IL12RB2: variants seen among roughly 807,000 people sequenced by gnomAD.
IL12RB2 encodes the protein interleukin-12 receptor subunit beta-2.
In IL12RB2, 82 loss-of-function variants were observed where a neutral mutation model predicts 89.4. That is an observed-to-expected ratio of 0.92 (90% CI 0.77 to 1.10). IL12RB2 has a LOEUF of 1.10. Ranked by LOEUF, IL12RB2 falls within the 50% of genes least tolerant of loss-of-function variation. The pLI is 0.00. For missense variants in IL12RB2, 963 were observed against 1,031.9 expected, an observed-to-expected ratio of 0.93 and a Z score of 0.92; for synonymous variants, 368 against 370.1, an observed-to-expected ratio of 0.99 and a Z score of 0.07.
chr1:67,368,872 T>C (rs1318167461), intron 11 of IL12RB2, among the ~76,000 whole-genome samples: 1 of 152,210 alleles, frequency 6.6e-6, no homozygotes, highest in African/African-American at 2.4e-5. Flanking sequence ...GTGGAAAATG[T>C]TTTGAACAAT....
intron 2 of IL12RB2, among the ~76,000 whole-genome samples, chr1:67,316,018 G>A (rs1655710498): frequency 1.3e-5 from 2 of 152,180 alleles, no homozygotes; most frequent in Admixed American, 1.3e-4. Context: ...TTTAATGTAA[G>A]TAGTTTTAAT....
Position 67,350,049 on chromosome 1 carries a change from A to C in IL12RB2, c.1039-821A>C, listed in dbSNP as rs17838050. ...CAGCAAACACAGCCGGAGGCCCCCC[A>C]CCCATGGAAGGGACAGCCTTGCCAA... is the stretch of plus-strand genomic sequence containing the variant. On this transcript the variant is annotated intron_variant, in intron 9 of 16. Transcript: ENST00000674203. Among the ~76,000 whole-genome samples the C allele has an allele frequency of 2.6e-3, 402 of 152,296 alleles. 2 individuals are homozygous for C. Among genetic ancestry groups the C allele is most frequent in the African/African-American group, 9.3e-3 (388 of 41,562 alleles).
intron 2 of IL12RB2, among the ~76,000 whole-genome samples, 158 bp from the exon 3 acceptor site, chr1:67,320,175 C>T (rs533404897): frequency 1.4e-4 from 22 of 152,206 alleles, no homozygotes; most frequent in African/African-American, 4.3e-4. Context: ...CTAAGATATT[C>T]GATTTACTAG....
intron 4 of IL12RB2, among the ~76,000 whole-genome samples, chr1:67,324,189 A>C (rs1348037678): frequency 1.3e-5 from 2 of 152,212 alleles, no homozygotes; most frequent in Non-Finnish European, 2.9e-5. Flanking sequence ...ATATATGTAC[A>C]TGGGTACGTA....
At chr1:67,385,790 T>A in intron 14 of IL12RB2, among the ~76,000 whole-genome samples, 1 of 152,220 alleles carries the variant, frequency 6.6e-6, no homozygotes, top group South Asian at 2.1e-4. Flanking sequence ...TTGCTAAAAT[T>A]AATAGCTACT....
At chr1:67,317,349 C>T (rs1347650794) in intron 2 of IL12RB2, among the ~76,000 whole-genome samples, 1 of 152,218 alleles carries the variant, frequency 6.6e-6, no homozygotes. Context: ...TTAACAGTGA[C>T]TCACAAGAAA....
At chr1:67,374,476 CT>C (rs34836285) in intron 13 of IL12RB2, among the ~76,000 whole-genome samples, 2,668 of 136,456 alleles carry the variant, frequency 0.02, 26 homozygotes, top group Non-Finnish European at 0.027. Context: ...TCTGTTTATT[CT>C]TTTTTTTTTT....
chr1:67,336,749 A>C (rs956516434), intron 8 of IL12RB2, among the ~76,000 whole-genome samples: 1 of 152,266 alleles, frequency 6.6e-6, no homozygotes, highest in Non-Finnish European at 1.5e-5. Flanking sequence ...AGGCACCTGC[A>C]CGGTGCAGAG....
At chr1:67,395,511 C>A (rs750906611) in intron 16 of IL12RB2, 36 bp from the exon 17 acceptor site, 3 of 1,614,154 alleles carry the variant, frequency 1.9e-6, no homozygotes, top group Non-Finnish European at 2.5e-6. Flanking sequence ...GTCACTTCTA[C>A]AGCAGTGTGA....
At chr1:67,389,893 A>G (rs376566941) in intron 15 of IL12RB2, 136 bp from the exon 16 acceptor site, 15 of 676,968 alleles carry the variant, frequency 2.2e-5, no homozygotes, top group African/African-American at 1.4e-4. Flanking sequence ...ATGATAAATC[A>G]TCTTTGTCTT....
At chr1:67,387,620 C>T (rs544932241) in intron 15 of IL12RB2, among the ~76,000 whole-genome samples, 1 of 148,178 alleles carries the variant, frequency 6.7e-6, no homozygotes, top group African/African-American at 2.5e-5. Context: ...AGGAGAATCA[C>T]TTGAACCTGG....
chr1:67,312,397 A>T (rs550929989), intron 1 of IL12RB2, among the ~76,000 whole-genome samples: 1 of 152,014 alleles, frequency 6.6e-6, no homozygotes, highest in South Asian at 2.1e-4. Context: ...TTTCTCCAAG[A>T]CTCCATTCGT....
intron 15 of IL12RB2, among the ~76,000 whole-genome samples, chr1:67,389,526 A>G (rs1444869839): frequency 2.0e-5 from 3 of 152,178 alleles, no homozygotes; most frequent in Non-Finnish European, 4.4e-5. Context: ...GATATTTCAG[A>G]TATTTCCCTA....
chr1:67,389,262 T>C (rs553937354), intron 15 of IL12RB2, among the ~76,000 whole-genome samples: 5 of 152,248 alleles, frequency 3.3e-5, no homozygotes, highest in African/African-American at 1.2e-4. Context: ...TCTGCTCATA[T>C]TTCTTTGGAG....
intron 3 of IL12RB2, among the ~76,000 whole-genome samples, chr1:67,321,261 G>A (rs1656477800): frequency 6.6e-6 from 1 of 152,024 alleles, no homozygotes; most frequent in South Asian, 2.1e-4. Flanking sequence ...TTAGTAGTCT[G>A]GTAAATAATT....
intron 16 of IL12RB2, among the ~76,000 whole-genome samples, chr1:67,393,078 G>A (rs758046108): frequency 1.3e-5 from 2 of 152,178 alleles, no homozygotes; most frequent in Admixed American, 1.3e-4. Flanking sequence ...CTTGAAGAAG[G>A]TGGACTGTTT....
intron 13 of IL12RB2, among the ~76,000 whole-genome samples, chr1:67,378,538 G>A (rs1367170103): frequency 6.6e-6 from 1 of 152,170 alleles, no homozygotes; most frequent in South Asian, 2.1e-4. Flanking sequence ...AAATGGAAAA[G>A]TGCAAAATCA....
At chr1:67,392,841 G>A (rs899158519) in intron 16 of IL12RB2, among the ~76,000 whole-genome samples, 7 of 151,834 alleles carry the variant, frequency 4.6e-5, no homozygotes, top group African/African-American at 1.7e-4. Context: ...CACCATGTTG[G>A]CCAGGCTGGT....
At chr1:67,339,359 C>T (rs570987162) in intron 9 of IL12RB2, among the ~76,000 whole-genome samples, 58 of 152,070 alleles carry the variant, frequency 3.8e-4, no homozygotes, top group African/African-American at 1.1e-3. Context: ...TGGTGGCATG[C>T]GCCTGTAATC....
Sources: allele counts gnomAD v4.1 joint callset (sites outside exome capture counted in the v4.1 genomes callset), GRCh38; gene constraint gnomAD v4.1.1; transcripts MANE v1.5; gene names NCBI Gene and HGNC (gene_info 2026-07-23, HGNC 2026-07-21).